CDC37: variants seen among roughly 807,000 people sequenced by gnomAD.
The protein encoded by CDC37 is hsp90 co-chaperone Cdc37.
CDC37 carries 9 observed loss-of-function variants against 46.9 expected under a neutral mutation model. The ratio of observed to expected loss-of-function variants is 0.19; its 90% confidence interval spans 0.12 to 0.33. CDC37 has a LOEUF of 0.33. Among genes scored for constraint, CDC37 ranks in the 10% least tolerant of loss-of-function variants. CDC37 has a pLI of 1.00. For missense variants in CDC37, 388 were observed against 514.6 expected, an observed-to-expected ratio of 0.75 and a Z score of 2.38; for synonymous variants, 193 against 191.0, an observed-to-expected ratio of 1.01 and a Z score of -0.09.
chr19:10,399,389 C>T (rs1263954247), intron 1 of CDC37, among the ~76,000 whole-genome samples: 1 of 148,078 alleles, frequency 6.8e-6, no homozygotes, highest in Non-Finnish European at 1.5e-5. Context: ...TCGCTTGAAC[C>T]CGAGGCAGAA....
In CDC37 at chr19:10,393,551, G is replaced by T. The variant is rs1325768364; in HGVS notation, c.727-110C>A. 8.6e-7 allele frequency: 1 copy of T among 1,161,792 alleles called. No individual in the cohort carries two copies. The highest frequency in any genetic ancestry group is 1.2e-6 in the Non-Finnish European group (1 of 833,946). The allele number at this position is 1,161,792 out of a possible 1,614,324, so 72.0% of individuals were successfully genotyped here. Reference sequence around the variant, plus strand: ...TCAGAGGCGCCCCACGGTTCCCCAAGTCTATTCCTGACCTACATGAAGGGC... The same window carrying T: ...TCAGAGGCGCCCCACGGTTCCCCAATTCTATTCCTGACCTACATGAAGGGC... On this transcript the variant is annotated intron_variant, in intron 5 of 7. Coordinates refer to ENST00000222005, the MANE Select transcript of CDC37 (RefSeq NM_007065.4). The surrounding 1 kb of genome is among the most constrained non-coding windows in gnomAD (Gnocchi z 4.9).
In CDC37 at chr19:10,394,358, C is replaced by G. The variant is rs74646623; in HGVS notation, c.726+663G>C. ...GTACCTTCAGCACATCCTACTGCTC[C>G]CACATTTTTTTGTAATGCAGTTTTG... is the stretch of plus-strand genomic sequence containing the variant. On this transcript the variant is annotated intron_variant, in intron 5 of 7. Coordinates refer to ENST00000222005, the MANE Select transcript of CDC37 (RefSeq NM_007065.4). Among the ~76,000 whole-genome samples the G allele has an allele frequency of 5.4e-3, 816 of 151,892 alleles. 2 individuals are homozygous for G. The highest frequency in any genetic ancestry group is 0.012 in the South Asian group (57 of 4,818).
intron 5 of CDC37, 54 bp downstream of exon 5, chr19:10,394,967 G>A: frequency 4.0e-6 from 6 of 1,506,782 alleles, no homozygotes; most frequent in Non-Finnish European, 5.3e-6. Context: ...GAGCATTGTG[G>A]GCTGGTTCCC....
Position 10,397,151 on chromosome 19 carries a change from C to G in CDC37, c.103-948G>C, listed in dbSNP as rs1377472666. ...TACTGCCCCCCTCCAATGAATGAAG[C>G]CCTGCTCTCTAAATATGGGAACGTG... is the stretch of plus-strand genomic sequence containing the variant. On this transcript the variant is annotated intron_variant, in intron 1 of 7. Transcript: ENST00000222005. Among the ~76,000 whole-genome samples the G allele has an allele frequency of 2.6e-5, 4 of 152,224 alleles. No individual in the cohort carries two copies. In the South Asian group the frequency reaches 6.2e-4, roughly 24 times the overall value.
At chr19:10,395,856 G>A (rs2145417786) in intron 2 of CDC37, 72 bp downstream of exon 2, 4 of 1,529,506 alleles carry the variant, frequency 2.6e-6, no homozygotes, top group Non-Finnish European at 3.6e-6. Context: ...CCAGGCATTG[G>A]GTGCGCATGC....
chr19:10,399,154 C>G (rs531091375), intron 1 of CDC37, among the ~76,000 whole-genome samples: 1 of 152,204 alleles, frequency 6.6e-6, no homozygotes, highest in South Asian at 2.1e-4. Context: ...CTCGGATTCC[C>G]CTATATGTAT....
At position 10,396,192 on chromosome 19, in the gene CDC37, T is replaced by C; in HGVS notation, c.114A>G (p.Glu38=). The change falls in exon 2 of 8, where the codon GAA becomes GAG. Residue 38 remains glutamate, a synonymous_variant. Coordinates refer to ENST00000222005, the MANE Select transcript of CDC37 (RefSeq NM_007065.4). The surrounding 1 kb of genome is among the most constrained non-coding windows in gnomAD (Gnocchi z 5.9). Reference sequence around the variant, plus strand: ...TCTCCTTCTGGAACTGCTCCATGCGTTCCACCCGGGCCTGCGGGCAGGGAC... The same window carrying C: ...TCTCCTTCTGGAACTGCTCCATGCGCTCCACCCGGGCCTGCGGGCAGGGAC... The part of the protein sequence containing the change: ...LFRWRHQARV[E]RMEQFQKEKE... 1 of 1,613,796 alleles carries C rather than the reference T, an allele frequency of 6.2e-7. No individual in the cohort carries two copies. Among genetic ancestry groups the C allele is most frequent in the Non-Finnish European group, 8.5e-7 (1 of 1,179,836 alleles).
chr19:10,392,826 G>T, intron 7 of CDC37: 1 of 555,868 alleles, frequency 1.8e-6, no homozygotes. Flanking sequence ...TTTGGATAAG[G>T]AAACTGAGGC....
chr19:10,403,391 C>G lies in CDC37; in HGVS notation c.89G>C (p.Arg30Pro). 6.2e-7 allele frequency: 1 copy of G among 1,612,226 alleles called. No individual in the cohort carries two copies. Among genetic ancestry groups the G allele is most frequent in the Non-Finnish European group, 8.5e-7 (1 of 1,179,582 alleles). The change falls in exon 1 of 8, where the codon CGC becomes CCC. Residue 30 changes from arginine (R) to proline (P), a missense_variant. Coordinates refer to ENST00000222005, the MANE Select transcript of CDC37 (RefSeq NM_007065.4). ...HPNIDTASLF[R>P]WRHQARVERM... ...CGCGCGCCTTACCTGATGCCGCCAG[C>G]GGAAGAGACTGGCCGTGTCGATGTT...
chr19:10,399,488 A>AAAAAAAC (rs2042507558), intron 1 of CDC37, among the ~76,000 whole-genome samples: 1 of 149,326 alleles, frequency 6.7e-6, no homozygotes, highest in Non-Finnish European at 1.5e-5. Flanking sequence ...AAAAAAAAAA[A>AAAAAAAC]GCTATACCTC....
At chr19:10,395,600 GCGGCCGGGCGGGC>G in intron 2 of CDC37, 57 bp from the exon 3 acceptor site, 1 of 1,349,718 alleles carries the variant, frequency 7.4e-7, no homozygotes, top group East Asian at 2.3e-5. Context: ...CGCCTCGAGC[GCGGCCGGGCGGGC>G]CGTGGTCGCA....
Position 10,393,109 on chromosome 19 carries a change from C to T in CDC37, c.958G>A (p.Ala320Thr), listed in dbSNP as rs766742653. 1.9e-5 allele frequency: 30 copies of T among 1,613,834 alleles called. No individual in the cohort carries two copies. Among genetic ancestry groups the T allele is most frequent in the African/African-American group, 1.7e-4 (13 of 74,840 alleles). ...DVKDVQMLQD[A>T]ISKMDPTDAK... ...ACGGTGGGGTCCATCTTGCTGATGG[C>T]GTCCTGCAGCATCTGCACGTCCTTC... The change falls in exon 7 of 8, where the codon GCC becomes ACC. Residue 320 changes from alanine to threonine, a missense_variant. This residue lies in a region of CDC37 where 374 missense variants were observed against 467.4 expected (regional missense o/e 0.80). Coordinates refer to ENST00000222005, the MANE Select transcript of CDC37 (RefSeq NM_007065.4). This position sits in a 1 kb window ranked among gnomAD's most constrained non-coding sequence, Gnocchi z 4.9.
At chr19:10,401,346 C>T (rs1411673882) in intron 1 of CDC37, among the ~76,000 whole-genome samples, 1 of 152,156 alleles carries the variant, frequency 6.6e-6, no homozygotes, top group African/African-American at 2.4e-5. Flanking sequence ...CCCTGCCTCC[C>T]TTACATGCCA....
At position 10,393,829 on chromosome 19, in the gene CDC37, C is replaced by T. The variant is rs534561612; in HGVS notation, c.727-388G>A. ...AGGCTAGGCCGGGCGCGGTGGCTCA[C>T]GCCTGTAATCCCAGCACTTTGGGAG... On this transcript the variant is annotated intron_variant, in intron 5 of 7. Coordinates refer to ENST00000222005, the MANE Select transcript of CDC37 (RefSeq NM_007065.4). This position sits in a 1 kb window ranked among gnomAD's most constrained non-coding sequence, Gnocchi z 4.9. 3.5e-5 allele frequency: 6 copies of T among 173,680 alleles called. No homozygotes were observed. Among genetic ancestry groups the T allele is most frequent in the South Asian group, 3.5e-4 (2 of 5,754 alleles). 10.8% of individuals were successfully genotyped at this position (173,680 alleles called of 1,614,324 possible). A position where few individuals can be genotyped will look rare whatever the true frequency, so the allele number is the denominator to read the frequency against.
At position 10,393,365 on chromosome 19, in the gene CDC37, T is replaced by G; in HGVS notation, c.803A>C (p.Lys268Thr). The change falls in exon 6 of 8, where the codon AAG becomes ACG. Residue 268 changes from lysine to threonine, a missense_variant. By Grantham distance (78) the Lys-to-Thr change is moderately conservative (BLOSUM62 -1). Coordinates refer to ENST00000222005, the MANE Select transcript of CDC37 (RefSeq NM_007065.4). The surrounding 1 kb of genome is among the most constrained non-coding windows in gnomAD (Gnocchi z 4.9). ...CTTCATGGCCTTCTCGATGCGCAGC[T>G]TGGCACGGCCCCGCACACGCTCCTT... ...AFKERVRGRAKLRIEKAMKEY... is the reference protein window; with the variant it reads ...AFKERVRGRATLRIEKAMKEY... The G allele has an allele frequency of 1.2e-6, 2 of 1,614,070 alleles. No homozygotes were observed. Among genetic ancestry groups the G allele is most frequent in the Non-Finnish European group, 1.7e-6 (2 of 1,179,980 alleles).
chr19:10,396,497 C>T lies in CDC37; in HGVS notation c.103-294G>A, dbSNP rs180992312. ...TCTGCCTCGGCACCTCCCCTGGTAA[C>T]TCTTCCTTCCAGCTACACCAGCCCC... On this transcript the variant is annotated intron_variant, in intron 1 of 7. Coordinates refer to ENST00000222005, the MANE Select transcript of CDC37 (RefSeq NM_007065.4). The surrounding 1 kb of genome is among the most constrained non-coding windows in gnomAD (Gnocchi z 5.9). 6.6e-6 allele frequency among the ~76,000 whole-genome samples: 1 copy of T among 152,312 alleles called. No individual in the cohort carries two copies. The highest frequency in any genetic ancestry group is 1.9e-4 in the East Asian group (1 of 5,180).
At chr19:10,395,903 T>TACCCCCCCCCCCCC in intron 2 of CDC37, 25 bp downstream of exon 2, 1 of 1,573,926 alleles carries the variant, frequency 6.4e-7, no homozygotes, top group Non-Finnish European at 8.7e-7. Context: ...GCATGCGCAC[T>TACCCCCCCCCCCCC]GCCCGCCCCG....
At chr19:10,392,914 A>C in intron 7 of CDC37, 172 bp downstream of exon 7, 2 of 622,910 alleles carry the variant, frequency 3.2e-6, no homozygotes, top group Non-Finnish European at 5.8e-6. Context: ...GGATACTGGG[A>C]TACAGTAGGT....
At position 10,402,025 on chromosome 19, in the gene CDC37, A is replaced by C. The variant is rs529062444; in HGVS notation, c.102+1353T>G. 2.0e-5 allele frequency among the ~76,000 whole-genome samples: 3 copies of C among 151,940 alleles called. No individual in the cohort carries two copies. The East Asian group carries it at 5.8e-4, about 29-fold the overall frequency. ...CAAAATTAGCCAGGCATGGTGGTGC[A>C]TCATGCCTGTAATCCCAGCTACTCA... On this transcript the variant is annotated intron_variant, in intron 1 of 7. Coordinates refer to ENST00000222005, the MANE Select transcript of CDC37 (RefSeq NM_007065.4).
Sources: gnomAD v4.1 joint callset for allele counts (sites outside exome capture counted in the v4.1 genomes callset) on GRCh38, gnomAD v4.1.1 for gene constraint, gnomAD v4.1.1 regional missense constraint, Gnocchi (gnomAD v3.1) non-coding constraint, MANE v1.5 for transcripts, NCBI Gene and HGNC (gene_info 2026-07-23, HGNC 2026-07-21) for gene names.